The following DCHS2 variants were observed in gnomAD, a reference collection of about 807,000 sequenced individuals.
DCHS2 encodes the protein protocadherin-23.
A neutral mutation model predicts 182.4 loss-of-function variants in DCHS2; 142 were observed. The observed-to-expected ratio is 0.78, with a 90% CI of 0.68 to 0.89. The LOEUF (loss-of-function observed/expected upper bound fraction) is 0.89. Ranked by LOEUF, DCHS2 falls within the 40% of genes least tolerant of loss-of-function variation. The pLI is 0.00. For missense variants in DCHS2, 4,319 were observed against 4,198.6 expected, an observed-to-expected ratio of 1.03 and a Z score of -0.79; for synonymous variants, 1,740 against 1,663.3, an observed-to-expected ratio of 1.05 and a Z score of -1.12.
chr4:154,406,062 A>T (rs1159042857), intron 1 of DCHS2, among the ~76,000 whole-genome samples: 1 of 152,198 alleles, frequency 6.6e-6, no homozygotes, highest in East Asian at 1.9e-4. Flanking sequence ...TGTCATGGAA[A>T]ACCAATTATC....
At chr4:154,348,048 G>A (rs1001490927) in intron 3 of DCHS2, among the ~76,000 whole-genome samples, 3 of 151,912 alleles carry the variant, frequency 2.0e-5, no homozygotes, top group African/African-American at 2.4e-5. Context: ...TTTCAATAAA[G>A]CTTTCTGATT....
chr4:154,412,119 A>C (rs1379128700), intron 1 of DCHS2, among the ~76,000 whole-genome samples: 1 of 152,212 alleles, frequency 6.6e-6, no homozygotes. Flanking sequence ...TATAAGAAGA[A>C]AGATAGTTAT....
chr4:154,300,510 C>CA (rs61371659), intron 12 of DCHS2, among the ~76,000 whole-genome samples: 32,446 of 107,884 alleles, frequency 0.3, 5,090 homozygotes, highest in Admixed American at 0.37. Context: ...CTCATCTCTA[C>CA]AAAAAAAAAA....
At chr4:154,476,777 A>G (rs1464839793) in intron 1 of DCHS2, among the ~76,000 whole-genome samples, 1 of 152,212 alleles carries the variant, frequency 6.6e-6, no homozygotes, top group Non-Finnish European at 1.5e-5. Context: ...AAGACGCATT[A>G]CGTGGTATCA....
chr4:154,491,044 C>G lies in DCHS2; in HGVS notation c.312G>C (p.Ser104=), dbSNP rs771343500. The G allele has an allele frequency of 6.4e-7, 1 of 1,551,086 alleles. No individual in the cohort carries two copies. The highest frequency in any genetic ancestry group is 1.2e-5 in the South Asian group (1 of 84,050). ...QQQEGSGFFL[S]EDSDDSPLLD... ...GCAGCGGGGAGTCATCGGAGTCCTC[C>G]GACAGAAAGAAGCCGCTCCCCTCCT... Residue 104 remains serine, a synonymous_variant, in exon 1 of 20, where the codon TCG becomes TCC. Transcript: ENST00000357232.
At chr4:154,245,377 C>G (rs148559189) in intron 16 of DCHS2, among the ~76,000 whole-genome samples, 11 of 152,108 alleles carry the variant, frequency 7.2e-5, no homozygotes, top group African/African-American at 2.6e-4. Flanking sequence ...GCATTTTTTT[C>G]CTGTTCTATC....
At chr4:154,360,406 C>A (rs1466617227) in intron 3 of DCHS2, among the ~76,000 whole-genome samples, 2 of 152,064 alleles carry the variant, frequency 1.3e-5, no homozygotes, top group Non-Finnish European at 2.9e-5. Context: ...GTACGAGAAA[C>A]CTAATGAAGA....
chr4:154,417,158 AGTGTGTGTGTGTGTGTGT>A (rs778940410), intron 1 of DCHS2, among the ~76,000 whole-genome samples: 36 of 80,068 alleles, frequency 4.5e-4, no homozygotes, highest in African/African-American at 1.7e-3. Context: ...GCCGGTCCCG[AGTGTGTGTGTGTGTGTGT>A]GTGTGTGTGT....
intron 1 of DCHS2, among the ~76,000 whole-genome samples, chr4:154,433,543 C>T (rs1005523612): frequency 1.1e-4 from 16 of 151,666 alleles, no homozygotes; most frequent in South Asian, 2.1e-4. Context: ...TACAGGCGTG[C>T]GCCACCATGC....
intron 16 of DCHS2, among the ~76,000 whole-genome samples, chr4:154,251,417 C>T (rs1199911313): frequency 7.3e-6 from 1 of 137,194 alleles, no homozygotes; most frequent in Non-Finnish European, 1.6e-5. Context: ...ATGTCTATTA[C>T]AAGAATTCAA....
Position 154,491,185 on chromosome 4 carries a change from C to T in DCHS2, c.171G>A (p.Trp57Ter). ...LLWLLVHVWL[W>*]AASGSSAQLF... ...ACTGGGCAGAGGAGCCCGAGGCCGC[C>T]CACAGCCACACGTGCACCAAGAGCC... The change falls in exon 1 of 20, where the codon TGG (tryptophan) becomes TGA (stop). Residue 57 changes from tryptophan (W) to a stop codon, truncating the protein, a stop_gained. Transcript: ENST00000357232. LOFTEE classifies it high-confidence loss of function. The T allele has an allele frequency of 6.4e-7, 1 of 1,551,372 alleles. No homozygotes were observed. Among genetic ancestry groups the T allele is most frequent in the Non-Finnish European group, 8.7e-7 (1 of 1,146,908 alleles).
chr4:154,428,198 CA>C (rs1227280922), intron 1 of DCHS2, among the ~76,000 whole-genome samples: 1 of 151,788 alleles, frequency 6.6e-6, no homozygotes, highest in Non-Finnish European at 1.5e-5. Context: ...GCAAGTCATA[CA>C]AAAAAATAAC....
intron 10 of DCHS2, among the ~76,000 whole-genome samples, chr4:154,311,623 T>C (rs930159400): frequency 3.9e-5 from 6 of 152,174 alleles, no homozygotes; most frequent in African/African-American, 1.4e-4. Context: ...CCTGGTTGAT[T>C]GAATAAAGGA....
intron 1 of DCHS2, among the ~76,000 whole-genome samples, chr4:154,454,242 T>A (rs529569663): frequency 6.6e-6 from 1 of 152,130 alleles, no homozygotes; most frequent in East Asian, 1.9e-4. Flanking sequence ...AAGACAACAA[T>A]CTGCCTATTC....
intron 16 of DCHS2, among the ~76,000 whole-genome samples, chr4:154,253,460 A>G (rs1424626397): frequency 1.3e-5 from 2 of 152,218 alleles, no homozygotes; most frequent in Non-Finnish European, 2.9e-5. Context: ...CCTTAAAATC[A>G]GAAAATGCTT....
At position 154,377,483 on chromosome 4, in the gene DCHS2, C is replaced by T. The variant is rs778729883; in HGVS notation, c.2053-39G>A. ...GGGTGATCAGGAGGAAACAGAAATG[C>T]TAGCATTACTTTTCAGTCAGTCATG... On this transcript the variant is annotated intron_variant, in intron 1 of 19. Coordinates refer to ENST00000357232, the MANE Select transcript of DCHS2 (RefSeq NM_001358235.2). 135 of 1,525,716 alleles carry T rather than the reference C, an allele frequency of 8.8e-5. No individual in the cohort carries two copies. The South Asian group carries it at 1.4e-3, about 16-fold the overall frequency. The allele number at this position is 1,525,716 out of a possible 1,614,324, so 94.5% of individuals were successfully genotyped here.
At chr4:154,252,276 A>C (rs1186843700) in intron 16 of DCHS2, among the ~76,000 whole-genome samples, 2 of 152,200 alleles carry the variant, frequency 1.3e-5, no homozygotes, top group Non-Finnish European at 2.9e-5. Context: ...GGGTAAATGG[A>C]GTATCCATCA....
At chr4:154,316,331 C>T (rs1360263809) in intron 9 of DCHS2, among the ~76,000 whole-genome samples, 10 of 152,198 alleles carry the variant, frequency 6.6e-5, no homozygotes, top group Admixed American at 6.5e-4. Context: ...ATATCATCTT[C>T]ATGTCACATA....
intron 1 of DCHS2, among the ~76,000 whole-genome samples, chr4:154,416,904 C>T (rs1397564529): frequency 6.6e-6 from 1 of 152,130 alleles, no homozygotes; most frequent in African/African-American, 2.4e-5. Flanking sequence ...TTTTTACACT[C>T]CGAGGCCAAA....
Sources: gnomAD v4.1 joint callset for allele counts (sites outside exome capture counted in the v4.1 genomes callset) on GRCh38, gnomAD v4.1.1 for gene constraint, MANE v1.5 for transcripts, NCBI Gene and HGNC (gene_info 2026-07-23, HGNC 2026-07-21) for gene names.